The following ZHX2 variants were observed in gnomAD, a reference collection of about 807,000 sequenced individuals.
ZHX2 encodes the protein zinc fingers and homeoboxes 2, also known as zinc fingers and homeoboxes protein 2.
Under a neutral mutation model 21.9 loss-of-function variants are expected in ZHX2, and 6 were observed. The ratio of observed to expected loss-of-function variants is 0.27; its 90% CI spans 0.15 to 0.54. The LOEUF is 0.54. ZHX2 is among the 20% of genes least tolerant of loss of function. ZHX2 has a pLI of 0.95. For missense variants in ZHX2, 908 were observed against 1,090.7 expected (o/e 0.83, Z 2.36); for synonymous variants, 434 against 437.1 (o/e 0.99, Z 0.09).
At chr8:122,835,959 A>G (rs1818485765) in intron 1 of ZHX2, among the ~76,000 whole-genome samples, 1 of 152,020 alleles carries the variant, frequency 6.6e-6, no homozygotes, top group African/African-American at 2.4e-5. Flanking sequence ...CCTGAGGCCT[A>G]AGGTTTTTAG....
intron 2 of ZHX2, among the ~76,000 whole-genome samples, chr8:122,874,113 A>G (rs1406972697): frequency 2.0e-5 from 3 of 152,144 alleles, no homozygotes; most frequent in African/African-American, 7.2e-5. Context: ...AAGAGTAGAC[A>G]AGGAGTTGAA....
intron 1 of ZHX2, among the ~76,000 whole-genome samples, chr8:122,820,634 G>C (rs1586587280): frequency 6.6e-6 from 1 of 152,270 alleles, no homozygotes; most frequent in Middle Eastern, 3.4e-3. Flanking sequence ...ACCAGACGAC[G>C]GGGCTGAGAG....
At chr8:122,971,495 G>T (rs1235473837) in intron 3 of ZHX2, among the ~76,000 whole-genome samples, 2 of 150,626 alleles carry the variant, frequency 1.3e-5, no homozygotes, top group Non-Finnish European at 2.9e-5. Flanking sequence ...ACTCCCAGGA[G>T]CATCTAGGGA....
intron 1 of ZHX2, among the ~76,000 whole-genome samples, chr8:122,795,084 G>C (rs1393412212): frequency 6.6e-6 from 1 of 152,150 alleles, no homozygotes; most frequent in Non-Finnish European, 1.5e-5. Context: ...CACTTCATAG[G>C]CTCAAAATTA....
At chr8:122,846,968 G>C (rs936380461) in intron 1 of ZHX2, among the ~76,000 whole-genome samples, 1 of 152,140 alleles carries the variant, frequency 6.6e-6, no homozygotes, top group Admixed American at 6.5e-5. Flanking sequence ...AACATTAAAA[G>C]AGTTGAGCTG....
At chr8:122,938,577 C>T (rs1812764158) in intron 2 of ZHX2, among the ~76,000 whole-genome samples, 1 of 152,098 alleles carries the variant, frequency 6.6e-6, no homozygotes, top group South Asian at 2.1e-4. Flanking sequence ...TGGCTCACAC[C>T]TGTAATCCCA....
rs141830857 is a variant in ZHX2 at position 122,969,583 on chromosome 8, A to G, written c.*5-3659A>G. 8.5e-5 allele frequency among the ~76,000 whole-genome samples: 13 copies of G among 152,298 alleles called. No homozygotes were observed. In the East Asian group the frequency reaches 2.5e-3, roughly 29 times the overall value. On this transcript the variant is annotated intron_variant, in intron 3 of 3. Transcript: ENST00000314393. ...GCAAAGAGGGAAAAAATGCAACCAG[A>G]AAGAAAAGACGTTGCCTACAGAGAA...
chr8:122,941,756 GT>G (rs1812849696), intron 2 of ZHX2, among the ~76,000 whole-genome samples: 1 of 152,130 alleles, frequency 6.6e-6, no homozygotes, highest in African/African-American at 2.4e-5. Context: ...AAGAAGCCAA[GT>G]GATGTCTTGA....
intron 1 of ZHX2, among the ~76,000 whole-genome samples, chr8:122,808,451 C>T (rs1244604370): frequency 3.3e-5 from 5 of 152,130 alleles, no homozygotes; most frequent in Non-Finnish European, 7.4e-5. Flanking sequence ...GGAAAAGCCC[C>T]TTATAAAACC....
chr8:122,966,844 AT>A (rs940426460), intron 3 of ZHX2, among the ~76,000 whole-genome samples: 98 of 151,838 alleles, frequency 6.5e-4, no homozygotes, highest in African/African-American at 2.3e-3. Flanking sequence ...GGCTTTGTTC[AT>A]TTTTTTTAAT....
chr8:122,783,543 C>A (rs1817335288), intron 1 of ZHX2, among the ~76,000 whole-genome samples: 1 of 152,068 alleles, frequency 6.6e-6, no homozygotes, highest in South Asian at 2.1e-4. Flanking sequence ...GAAATTAATG[C>A]CTGTAGAAGT....
intron 2 of ZHX2, among the ~76,000 whole-genome samples, chr8:122,864,929 A>G (rs1478926815): frequency 6.6e-6 from 1 of 152,198 alleles, no homozygotes. Flanking sequence ...CAGCTGCAAC[A>G]GTAAATATTT....
At chr8:122,956,682 A>G (rs1286898557) in intron 3 of ZHX2, among the ~76,000 whole-genome samples, 1 of 152,210 alleles carries the variant, frequency 6.6e-6, no homozygotes, top group African/African-American at 2.4e-5. Flanking sequence ...GAGGAGGCAA[A>G]CTGAAAGCAA....
intron 2 of ZHX2, among the ~76,000 whole-genome samples, chr8:122,908,689 A>G (rs1159159745): frequency 6.6e-6 from 1 of 152,212 alleles, no homozygotes; most frequent in Non-Finnish European, 1.5e-5. Flanking sequence ...GCATCCAGGC[A>G]TCAGAGACAG....
At chr8:122,813,056 C>T (rs1209987359) in intron 1 of ZHX2, among the ~76,000 whole-genome samples, 2 of 152,036 alleles carry the variant, frequency 1.3e-5, no homozygotes, top group South Asian at 2.1e-4. Flanking sequence ...GTTAGCCGGA[C>T]GTGGCGGCAC....
At chr8:122,891,272 G>T (rs1431366430) in intron 2 of ZHX2, among the ~76,000 whole-genome samples, 1 of 2,090 alleles carries the variant, frequency 4.8e-4, no homozygotes, top group Non-Finnish European at 8.8e-4. Context: ...TTGGTAGATT[G>T]TGTGTGTGTG....
Position 122,883,940 on chromosome 8 carries a change from C to T in ZHX2, c.-220+20401C>T, listed in dbSNP as rs573173713. ...TGTGTAGTCATGTGCCATGTAATGA[C>T]GGGAATACGCTCTAAGAAATGCATT... is the stretch of plus-strand genomic sequence containing the variant. On this transcript the variant is annotated intron_variant, in intron 2 of 3. Coordinates refer to ENST00000314393, the MANE Select transcript of ZHX2 (RefSeq NM_014943.5). Among the ~76,000 whole-genome samples, 14 of 152,286 alleles carry T rather than the reference C, an allele frequency of 9.2e-5. No individual in the cohort carries two copies. The South Asian group carries it at 1.2e-3, about 14-fold the overall frequency.
At chr8:122,918,735 A>G (rs1486128545) in intron 2 of ZHX2, among the ~76,000 whole-genome samples, 1 of 152,122 alleles carries the variant, frequency 6.6e-6, no homozygotes, top group African/African-American at 2.4e-5. Context: ...TCACAAGGTC[A>G]GGAGATCAAG....
At chr8:122,818,987 C>T (rs1818086361) in intron 1 of ZHX2, among the ~76,000 whole-genome samples, 1 of 152,224 alleles carries the variant, frequency 6.6e-6, no homozygotes, top group Non-Finnish European at 1.5e-5. Flanking sequence ...CATAGGACCA[C>T]AGCAAGAGTG....
Sources: gnomAD v4.1 joint callset for allele counts (sites outside exome capture counted in the v4.1 genomes callset) on GRCh38, gnomAD v4.1.1 for gene constraint, MANE v1.5 for transcripts, NCBI Gene and HGNC (gene_info 2026-07-23, HGNC 2026-07-21) for gene names.